Variants in LRRC9 observed in about 807,000 individuals in gnomAD.
LRRC9 encodes leucine-rich repeat-containing protein 9.
Under a neutral mutation model 63.2 loss-of-function variants are expected in LRRC9, and 122 were observed. That is an observed-to-expected ratio of 1.93 (90% confidence interval 1.67 to 2.24). The LOEUF is 2.24. Among genes scored for constraint, LRRC9 ranks in the 30% most tolerant of loss-of-function variants. The pLI is 0.00. For missense variants in LRRC9, 1,071 were observed against 627.7 expected (o/e 1.71, Z -7.55); for synonymous variants, 366 against 213.1 (o/e 1.72, Z -6.25).
chr14:60,064,490 A>G (rs537970713), downstream of LRRC9, among the ~76,000 whole-genome samples: 4 of 152,318 alleles, frequency 2.6e-5, no homozygotes, highest in Non-Finnish European at 4.4e-5. Context: ...TATAATTCCA[A>G]TGTCTATGCA....
rs10550604 is a variant in LRRC9, at chr14:60,004,881, T to TACACAC, written c.2842+1102_2842+1107dup. Among the ~76,000 whole-genome samples, 2,156 of 150,336 alleles carry TACACAC rather than the reference T, an allele frequency of 0.014. 67 individuals carry two copies. In the East Asian group the frequency reaches 0.15, roughly 10 times the overall value. ...AAAGAGAAATATGTATATGTGTGTA[T>TACACAC]ACACACACACACACACACACACACT... On this transcript the variant is annotated intron_variant, in intron 21 of 31. Coordinates refer to ENST00000445360, the Ensembl canonical transcript of LRRC9. This position sits in a 1 kb window ranked among gnomAD's most constrained non-coding sequence, Gnocchi z 4.8.
intron 8 of LRRC9, among the ~76,000 whole-genome samples, chr14:59,947,128 G>A (rs1225505823): frequency 6.6e-5 from 10 of 150,808 alleles, no homozygotes; most frequent in Admixed American, 3.3e-4. Flanking sequence ...CACCAACAGT[G>A]TAAAAGTGTT....
chr14:59,984,733 C>T (rs188787326), intron 16 of LRRC9, among the ~76,000 whole-genome samples: 6 of 152,222 alleles, frequency 3.9e-5, no homozygotes, highest in African/African-American at 1.4e-4. Context: ...CCTGATACCC[C>T]AAATCTTTAG....
chr14:59,973,109 T>A (rs1885711604), intron 12 of LRRC9, among the ~76,000 whole-genome samples: 1 of 152,012 alleles, frequency 6.6e-6, no homozygotes, highest in South Asian at 2.1e-4. Context: ...ACCTTCATGT[T>A]TTCCTCCTCT....
intron 13 of LRRC9, 63 bp downstream of exon 13, chr14:59,974,771 T>C (rs551544156): frequency 3.5e-5 from 19 of 547,214 alleles, no homozygotes; most frequent in African/African-American, 3.1e-4. Flanking sequence ...ATTAATTATT[T>C]TTATATCGTT....
At position 59,928,251 on chromosome 14, in the gene LRRC9, T is replaced by C. The variant is rs1432798676; in HGVS notation, c.49-17T>C. The C allele has an allele frequency of 1.2e-5, 7 of 566,752 alleles. No homozygotes were observed. The highest frequency in any genetic ancestry group is 3.8e-5 in the African/African-American group (2 of 52,304). 35.1% of individuals were successfully genotyped at this position (566,752 alleles called of 1,614,324 possible). ...ATTTAAAATAGGTAATGACCAAATT[T>C]CTTTCCTTTAAAACAGTGTTTGTGC... On this transcript the variant is annotated splice_polypyrimidine_tract_variant and intron_variant, in intron 2 of 31. Coordinates refer to ENST00000445360, the Ensembl canonical transcript of LRRC9.
chr14:60,004,774 TTCTCCC>T lies in LRRC9; in HGVS notation c.2842+982_2842+987del, dbSNP rs1169021691. Among the ~76,000 whole-genome samples the T allele has an allele frequency of 2.0e-5, 3 of 152,088 alleles. No individual in the cohort carries two copies. Among genetic ancestry groups the T allele is most frequent in the African/African-American group, 7.2e-5 (3 of 41,436 alleles). On this transcript the variant is annotated intron_variant, in intron 21 of 31. Coordinates refer to ENST00000445360, the Ensembl canonical transcript of LRRC9. The surrounding 1 kb of genome is among the most constrained non-coding windows in gnomAD (Gnocchi z 4.8). ...ATGACTTGCTACCAACTTTCTCTTATTCTCCCTCTCCATCTACTCAAAAGAGTAACT... is the reference window on the plus strand; with the variant it reads ...ATGACTTGCTACCAACTTTCTCTTATTCTCCATCTACTCAAAAGAGTAACT...
In LRRC9 at chr14:60,017,662, T is replaced by C. The variant is rs375038405; in HGVS notation, c.3318-709T>C. ...CACTTAGGAAATACTAATGGAAATA[T>C]GTTGACTGAATGAATGACTTATTAG... On this transcript the variant is annotated intron_variant, in intron 24 of 31. Transcript: ENST00000445360. The surrounding 1 kb of genome is among the most constrained non-coding windows in gnomAD (Gnocchi z 4.0). Among the ~76,000 whole-genome samples, 1 of 152,120 alleles carries C rather than the reference T, an allele frequency of 6.6e-6. No individual in the cohort carries two copies. Among genetic ancestry groups the C allele is most frequent in the East Asian group, 1.9e-4 (1 of 5,186 alleles).
chr14:59,985,679 A>G (rs564979574), intron 17 of LRRC9, among the ~76,000 whole-genome samples: 20 of 152,290 alleles, frequency 1.3e-4, no homozygotes, highest in African/African-American at 4.6e-4. Flanking sequence ...ACATTAATGT[A>G]AAATAAAATA....
intron 17 of LRRC9, among the ~76,000 whole-genome samples, chr14:59,989,585 C>A (rs1044456400): frequency 1.3e-5 from 2 of 151,860 alleles, no homozygotes; most frequent in Middle Eastern, 3.2e-3. Flanking sequence ...TTCTTAACAT[C>A]TTTTAGTTTG....
chr14:59,952,844 T>G (rs1883318270), intron 8 of LRRC9, among the ~76,000 whole-genome samples: 2 of 152,136 alleles, frequency 1.3e-5, no homozygotes, highest in African/African-American at 4.8e-5. Context: ...GTGTGTGATG[T>G]TCCCCTCCCT....
chr14:59,924,106 G>C (rs974607752), intron 1 of LRRC9, among the ~76,000 whole-genome samples: 7 of 152,168 alleles, frequency 4.6e-5, no homozygotes, highest in Non-Finnish European at 1.5e-5. Context: ...AGTTATCTTG[G>C]ACAAAGGCAA....
chr14:60,033,366 G>A (rs2140335673), intron 29 of LRRC9, among the ~76,000 whole-genome samples: 1 of 152,108 alleles, frequency 6.6e-6, no homozygotes, highest in South Asian at 2.1e-4. Context: ...AGTACTTATA[G>A]TAAGTTACTA....
At chr14:59,994,282 A>G (rs1888496639) in intron 17 of LRRC9, among the ~76,000 whole-genome samples, 1 of 152,248 alleles carries the variant, frequency 6.6e-6, no homozygotes, top group South Asian at 2.1e-4. Context: ...ACTGGCCATC[A>G]GAGAAATGCA....
chr14:60,044,728 T>C (rs373878687), intron 29 of LRRC9, among the ~76,000 whole-genome samples: 1 of 152,234 alleles, frequency 6.6e-6, no homozygotes, highest in East Asian at 1.9e-4. Context: ...ATGGAAAATG[T>C]TCCATGTGCT....
In LRRC9 at chr14:60,026,429, T is replaced by C. The variant is rs1891560096; in HGVS notation, c.3704-1455T>C. 2.0e-5 allele frequency among the ~76,000 whole-genome samples: 3 copies of C among 152,092 alleles called. No homozygotes were observed. In the South Asian group the frequency reaches 6.2e-4, roughly 31 times the overall value. On this transcript the variant is annotated intron_variant, in intron 27 of 31. Transcript: ENST00000445360. ...TTTTGAGAAATGTCTATGCAGACCT[T>C]TTTCCTGTTGAGTTGTTTGGGCTCC...
At chr14:59,971,928 T>C (rs1271390307) in intron 12 of LRRC9, among the ~76,000 whole-genome samples, 4 of 152,124 alleles carry the variant, frequency 2.6e-5, no homozygotes, top group Non-Finnish European at 4.4e-5. Context: ...TCTTAAAACA[T>C]TATTTTCATA....
intron 20 of LRRC9, among the ~76,000 whole-genome samples, chr14:60,002,524 T>G (rs1372577191): frequency 6.6e-6 from 1 of 152,198 alleles, no homozygotes; most frequent in African/African-American, 2.4e-5. Context: ...TAATTTACAA[T>G]GTATGCTTAT....
At position 59,958,862 on chromosome 14, in the gene LRRC9, G is replaced by A. The variant is rs1355204345; in HGVS notation, c.883-956G>A. Among the ~76,000 whole-genome samples, 3 of 152,204 alleles carry A rather than the reference G, an allele frequency of 2.0e-5. No homozygotes were observed. Among genetic ancestry groups the A allele is most frequent in the African/African-American group, 7.2e-5 (3 of 41,448 alleles). On this transcript the variant is annotated intron_variant, in intron 8 of 31. Transcript: ENST00000445360. This position sits in a 1 kb window ranked among gnomAD's most constrained non-coding sequence, Gnocchi z 4.0. ...CTCACAGCTTACCTTGGCTGGGGGA[G>A]GGAGGTCCCTGCTCCTTGCACTTCC...
Sources: gnomAD v4.1 joint callset for allele counts (sites outside exome capture counted in the v4.1 genomes callset) on GRCh38, gnomAD v4.1.1 for gene constraint, Gnocchi (gnomAD v3.1) non-coding constraint, MANE v1.5 for transcripts, NCBI Gene and HGNC (gene_info 2026-07-23, HGNC 2026-07-21) for gene names.